Variants in ALKBH7 observed in about 807,000 individuals in gnomAD.
The protein encoded by ALKBH7 is RNA demethylase ALKBH7, mitochondrial.
ALKBH7 carries 21 observed loss-of-function variants against 19.3 expected under a neutral mutation model. The observed-to-expected ratio is 1.09, with a 90% CI of 0.77 to 1.56. ALKBH7 has a LOEUF of 1.56. ALKBH7 is among the 40% of genes most tolerant of loss of function. The probability of loss-of-function intolerance (pLI) is 0.00; values close to 1 mark genes in which losing one functional copy is unlikely to be tolerated. For missense variants in ALKBH7, 354 were observed against 311.4 expected (o/e 1.14, Z -1.03); for synonymous variants, 147 against 139.5 (o/e 1.05, Z -0.38).
intron 2 of ALKBH7, 39 bp downstream of exon 2, chr19:6,374,415 G>C (rs747048579): frequency 6.2e-7 from 1 of 1,604,450 alleles, no homozygotes; most frequent in African/African-American, 1.3e-5. Flanking sequence ...CCAGCCAGGG[G>C]GTAGGCAGGC....
Position 6,374,552 on chromosome 19 carries a change from G to C in ALKBH7, c.466G>C (p.Glu156Gln). Reference sequence around the variant, plus strand: ...CACCCAGGAGCCGGGGGAGTGGCTGGAACTCTTGCTGGAGCCGGGCTCCCT... The same window carrying C: ...CACCCAGGAGCCGGGGGAGTGGCTGCAACTCTTGCTGGAGCCGGGCTCCCT... ...VHTQEPGEWL[E>Q]LLLEPGSLYI... Residue 156 changes from glutamate to glutamine, a missense_variant, in exon 3 of 4, where the codon GAA (glutamate) becomes CAA (glutamine). Physicochemically the swap from Glu to Gln is conservative, Grantham distance 29 (BLOSUM62 2). Transcript: ENST00000245812. 6.2e-7 allele frequency: 1 copy of C among 1,613,710 alleles called. No homozygotes were observed.
chr19:6,374,578 C>T lies in ALKBH7; in HGVS notation c.492C>T (p.Leu164=). 1.2e-6 allele frequency: 2 copies of T among 1,613,304 alleles called. No homozygotes were observed. The highest frequency in any genetic ancestry group is 1.1e-5 in the South Asian group (1 of 91,048). The change falls in exon 3 of 4, where the codon CTC becomes CTT. Residue 164 remains leucine (L), a synonymous_variant. Coordinates refer to ENST00000245812, the MANE Select transcript of ALKBH7 (RefSeq NM_032306.4). Reference sequence around the variant, plus strand: ...AACTCTTGCTGGAGCCGGGCTCCCTCTACATCCTTAGGTACCTCCATCCAG... The same window carrying T: ...AACTCTTGCTGGAGCCGGGCTCCCTTTACATCCTTAGGTACCTCCATCCAG... ...WLELLLEPGS[L]YILRGSARYD...
chr19:6,374,099 G>A, intron 1 of ALKBH7, 104 bp from the exon 2 acceptor site: 1 of 1,569,722 alleles, frequency 6.4e-7, no homozygotes, highest in Non-Finnish European at 8.6e-7. Flanking sequence ...GCAGGGTCAA[G>A]AGTCACATAG....
At position 6,372,928 on chromosome 19, in the gene ALKBH7, G is replaced by A; in HGVS notation, c.108G>A (p.Arg36=). The change falls in exon 1 of 4, where the codon CGG becomes CGA. Residue 36 remains arginine (R), a synonymous_variant. Transcript: ENST00000245812. ...LSRLQDAAVV[R]PGFLSTAEEE... ...GCCTGCAGGACGCGGCCGTGGTGCG[G>A]CCTGGCTTCCTGAGCACGGCAGAGG... The A allele has an allele frequency of 6.4e-7, 1 of 1,565,046 alleles. No individual in the cohort carries two copies. The highest frequency in any genetic ancestry group is 8.6e-7 in the Non-Finnish European group (1 of 1,157,858).
intron 1 of ALKBH7, chr19:6,373,440 A>C: frequency 3.6e-6 from 1 of 279,176 alleles, no homozygotes; most frequent in Non-Finnish European, 6.1e-6. Context: ...GGGGGCGGTT[A>C]CAGCGCAGTC....
chr19:6,374,771 G>A (rs1352563287), intron 3 of ALKBH7, 40 bp from the exon 4 acceptor site: 2 of 1,599,114 alleles, frequency 1.3e-6, no homozygotes, highest in Non-Finnish European at 1.7e-6. Flanking sequence ...AGCAGGGGCT[G>A]CCCTCCTTGC....
rs1428658287 is a variant in ALKBH7, at chr19:6,374,837, A to G, written c.530A>G (p.His177Arg). ...LRGSARYDFSHEILRDEESFF... is the reference protein window; with the variant it reads ...LRGSARYDFSREILRDEESFF... ...GGCTCAGCCCGTTATGACTTCTCCC[A>G]TGAGATCCTTCGGGATGAAGAGTCC... Residue 177 changes from histidine (H) to arginine (R), a missense_variant, in exon 4 of 4, where the codon CAT (histidine) becomes CGT (arginine). His to Arg is a conservative substitution (Grantham distance 29, BLOSUM62 0). Transcript: ENST00000245812. 1.2e-6 allele frequency: 2 copies of G among 1,613,748 alleles called. No homozygotes were observed. Among genetic ancestry groups the G allele is most frequent in the Non-Finnish European group, 1.7e-6 (2 of 1,179,760 alleles).
intron 1 of ALKBH7, 61 bp downstream of exon 1, chr19:6,373,085 G>A (rs1035856748): frequency 1.3e-6 from 2 of 1,510,018 alleles, no homozygotes; most frequent in Admixed American, 2.1e-5. Context: ...GCCTGGGGAC[G>A]TGGAGCATCA....
chr19:6,375,224 C>T lies in ALKBH7; in HGVS notation c.*251C>T. On this transcript the variant is annotated 3_prime_UTR_variant, in exon 4 of 4. Coordinates refer to ENST00000245812, the MANE Select transcript of ALKBH7 (RefSeq NM_032306.4). ...CTCCCCTCCTCGTTGTCTCTGCATC[C>T]AGGTCTCCAATAAATAAGTCAGCCG... is the stretch of plus-strand genomic sequence containing the variant. 1 of 1,380,372 alleles carries T rather than the reference C, an allele frequency of 7.2e-7. No homozygotes were observed. Among genetic ancestry groups the T allele is most frequent in the Non-Finnish European group, 9.3e-7 (1 of 1,069,938 alleles). The allele number at this position is 1,380,372 out of a possible 1,614,324, so 85.5% of individuals were successfully genotyped here.
chr19:6,374,087 G>A, intron 1 of ALKBH7, 116 bp from the exon 2 acceptor site: 2 of 1,553,080 alleles, frequency 1.3e-6, no homozygotes, highest in East Asian at 4.5e-5. Context: ...TTTGAGTTGA[G>A]GGCAGGGTCA....
rs1243367099 is a variant in ALKBH7 at position 6,374,255 on chromosome 19, G to T, written c.257G>T (p.Arg86Leu). 1 of 1,613,236 alleles carries T rather than the reference G, an allele frequency of 6.2e-7. No homozygotes were observed. The highest frequency in any genetic ancestry group is 8.5e-7 in the Non-Finnish European group (1 of 1,179,732). The change falls in exon 2 of 4, where the codon CGG becomes CTG. Residue 86 changes from arginine to leucine, a missense_variant. Arg to Leu is a moderately radical substitution (Grantham distance 102). Coordinates refer to ENST00000245812, the MANE Select transcript of ALKBH7 (RefSeq NM_032306.4). ...AAGTCGCGCTGGTCAGAAGCCAGCC[G>T]GGCCATCCTGCAGCGCGTGCAGGCG... ...TEKSRWSEASRAILQRVQAAA... is the reference protein window; with the variant it reads ...TEKSRWSEASLAILQRVQAAA...
In ALKBH7 at chr19:6,372,803, T is replaced by G; in HGVS notation, c.-18T>G. 1.3e-6 allele frequency: 2 copies of G among 1,536,550 alleles called. No homozygotes were observed. The highest frequency in any genetic ancestry group is 1.7e-6 in the Non-Finnish European group (2 of 1,146,948). ...CGTTCCCCAACCCTGCCCTCTCTCA[T>G]GACCCCGCTCCGGGATTATGGCCGG... On this transcript the variant is annotated 5_prime_UTR_variant, in exon 1 of 4. The change abolishes an upstream ATG in the 5' untranslated region. Transcript: ENST00000245812.
Position 6,374,322 on chromosome 19 carries a change from C to T in ALKBH7, c.324C>T (p.His108=), listed in dbSNP as rs759062610. 1.1e-5 allele frequency: 18 copies of T among 1,612,254 alleles called. No homozygotes were observed. The highest frequency in any genetic ancestry group is 1.4e-5 in the Non-Finnish European group (17 of 1,179,500). The change falls in exon 2 of 4, where the codon CAC becomes CAT. Residue 108 remains histidine, a synonymous_variant. Transcript: ENST00000245812. ...GCCAGACCCTGCTCTCCTCCGTGCA[C>T]GTGCTGGACCTGGAAGCCCGCGGCT... ...GPGQTLLSSV[H]VLDLEARGYI...
Position 6,374,827 on chromosome 19 carries a change from G to T in ALKBH7, c.520G>T (p.Asp174Tyr). 1.2e-6 allele frequency: 2 copies of T among 1,613,224 alleles called. No individual in the cohort carries two copies. Among genetic ancestry groups the T allele is most frequent in the South Asian group, 2.2e-5 (2 of 90,990 alleles). The stretch of plus-strand genomic sequence containing the variant: ...TTCCTGCAGGGGCTCAGCCCGTTAT[G>T]ACTTCTCCCATGAGATCCTTCGGGA... ...LYILRGSARY[D>Y]FSHEILRDEE... The change falls in exon 4 of 4, where the codon GAC (aspartate) becomes TAC (tyrosine). Residue 174 changes from aspartate (D) to tyrosine (Y), a missense_variant. Coordinates refer to ENST00000245812, the MANE Select transcript of ALKBH7 (RefSeq NM_032306.4).
rs1200526373 is a variant in ALKBH7 at position 6,373,040 on chromosome 19, C to CCGGGGGCGAGGGACGGGGGCTCGT, written c.204+25_204+48dup. On this transcript the variant is annotated intron_variant, in intron 1 of 3. Coordinates refer to ENST00000245812, the MANE Select transcript of ALKBH7 (RefSeq NM_032306.4). Reference sequence around the variant, plus strand: ...CTGGGACGCGGTGAGACCGGCAGCGCCGGGGGCGAGGGACGGGGGCTCGTC... The same window carrying CCGGGGGCGAGGGACGGGGGCTCGT: ...CTGGGACGCGGTGAGACCGGCAGCGCCGGGGGCGAGGGACGGGGGCTCGTCGGGGGCGAGGGACGGGGGCTCGTC... 4.5e-6 allele frequency: 7 copies of CCGGGGGCGAGGGACGGGGGCTCGT among 1,550,536 alleles called. No individual in the cohort carries two copies. The highest frequency in any genetic ancestry group is 6.1e-6 in the Non-Finnish European group (7 of 1,150,240).
chr19:6,374,138 C>T, intron 1 of ALKBH7, 65 bp from the exon 2 acceptor site: 2 of 1,585,522 alleles, frequency 1.3e-6, no homozygotes, highest in Non-Finnish European at 1.7e-6. Flanking sequence ...GTTTTCTGCC[C>T]CTCCTTGCCT....
intron 1 of ALKBH7, 35 bp downstream of exon 1, chr19:6,373,059 G>T (rs764925570): frequency 1.3e-6 from 2 of 1,535,442 alleles, no homozygotes; most frequent in Non-Finnish European, 1.7e-6. Flanking sequence ...AGGGACGGGG[G>T]CTCGTCGGGG....
At chr19:6,373,785 C>A in intron 1 of ALKBH7, 4 of 1,153,536 alleles carry the variant, frequency 3.5e-6, no homozygotes, top group Non-Finnish European at 4.2e-6. Flanking sequence ...ATGGTGGGGG[C>A]TGGGCTGAAA....
rs761537755 is a variant in ALKBH7 at position 6,374,722 on chromosome 19, GGGCTGGAATCCAGGA to G, written c.504-74_504-60del. ...CAGGGTCTGTGTGGGAGGCAGCAGG[GGGCTGGAATCCAGGA>G]GGCTGGAATCCAGGTCTGCCTGGAG... On this transcript the variant is annotated intron_variant, in intron 3 of 3. Coordinates refer to ENST00000245812, the MANE Select transcript of ALKBH7 (RefSeq NM_032306.4). The G allele has an allele frequency of 2.9e-4, 456 of 1,595,726 alleles. 4 individuals are homozygous for G. The highest frequency in any genetic ancestry group is 1.1e-3 in the South Asian group (103 of 89,926).
Sources: gnomAD v4.1 joint callset for allele counts on GRCh38, gnomAD v4.1.1 for gene constraint, MANE v1.5 for transcripts, NCBI Gene and HGNC (gene_info 2026-07-23, HGNC 2026-07-21) for gene names.